The following C15orf40 variants were observed in gnomAD, a reference collection of about 807,000 sequenced individuals.
C15orf40 encodes UPF0235 protein C15orf40.
A neutral mutation model predicts 13.9 loss-of-function variants in C15orf40; 9 were observed. The observed-to-expected ratio is 0.65, with a 90% CI of 0.39 to 1.13. The LOEUF (loss-of-function observed/expected upper bound fraction) is 1.13, where lower values mean the gene tolerates loss of function less well. C15orf40 is among the 50% of genes most tolerant of loss of function. C15orf40 has a pLI of 0.01. For synonymous variants in C15orf40, 95 were observed against 69.2 expected, an observed-to-expected ratio of 1.37 and a Z score of -1.85; for missense variants, 225 against 188.5, an observed-to-expected ratio of 1.19 and a Z score of -1.13.
rs1404793417 is a variant in C15orf40, at chr15:83,004,949, A to C, written c.*648T>G. On this transcript the variant is annotated 3_prime_UTR_variant, in exon 4 of 4. Coordinates refer to ENST00000304177, the MANE Select transcript of C15orf40 (RefSeq NM_144597.3). ...TTCTAGTTGCCAGCTTGCATGGTAC[A>C]ATCTTGAGTAAGTCTCTCAACTTCT... 7 of 1,291,726 alleles carry C rather than the reference A, an allele frequency of 5.4e-6. No individual in the cohort carries two copies. The highest frequency in any genetic ancestry group is 7.2e-6 in the Non-Finnish European group (7 of 977,110). The allele number at this position is 1,291,726 out of a possible 1,614,324, so 80.0% of individuals were successfully genotyped here.
At position 83,005,589 on chromosome 15, in the gene C15orf40, T is replaced by C. The variant is rs2031635215; in HGVS notation, c.*8A>G. The C allele has an allele frequency of 1.2e-6, 2 of 1,605,274 alleles. No homozygotes were observed. The highest frequency in any genetic ancestry group is 3.4e-5 in the Admixed American group (2 of 59,480). On this transcript the variant is annotated 3_prime_UTR_variant, in exon 4 of 4. Transcript: ENST00000304177. ...ATGAGCCACTGCGCCCGGCCTCATT[T>C]CTTGCTTTTATGTTTTTTTGGCTTC...
In C15orf40 at chr15:82,997,680, C is replaced by T. The variant is rs2031166843; in HGVS notation, c.*7917G>A. ...CCCGCCTTTCTATTCCACAAAGCCG[C>T]CATTGTCATCCTGGCCCGTTCTCAA... On this transcript the variant is annotated 3_prime_UTR_variant, in exon 4 of 4. Coordinates refer to ENST00000304177, the MANE Select transcript of C15orf40 (RefSeq NM_144597.3). 4.6e-6 allele frequency: 1 copy of T among 218,252 alleles called. No homozygotes were observed. Among genetic ancestry groups the T allele is most frequent in the Non-Finnish European group, 9.0e-6 (1 of 110,592 alleles). 13.5% of individuals were successfully genotyped at this position (218,252 alleles called of 1,614,324 possible).
downstream of C15orf40, chr15:82,990,559 CA>C (rs2030811269): frequency 3.1e-6 from 2 of 651,662 alleles, no homozygotes; most frequent in Non-Finnish European, 2.2e-6. Flanking sequence ...TTTTTTTTTG[CA>C]TTTGTTAAGT....
In C15orf40 at chr15:83,011,493, T is replaced by C; in HGVS notation, c.111+4A>G. 1 of 1,602,078 alleles carries C rather than the reference T, an allele frequency of 6.2e-7. No individual in the cohort carries two copies. ...CCTCTGCCGCCACGGGACCTGCTAC[T>C]GGCCTTGGTCGTCGCACCAGCCTTC... is the stretch of plus-strand genomic sequence containing the variant. On this transcript the variant is annotated splice_donor_region_variant and intron_variant, in intron 1 of 3. Coordinates refer to ENST00000304177, the MANE Select transcript of C15orf40 (RefSeq NM_144597.3).
In C15orf40 at chr15:83,004,362, C is replaced by A. The variant is rs910338645; in HGVS notation, c.*1235G>T. The A allele has an allele frequency of 5.1e-6, 5 of 985,204 alleles. No homozygotes were observed. The highest frequency in any genetic ancestry group is 6.0e-6 in the Non-Finnish European group (5 of 829,862). 61.0% of individuals were successfully genotyped at this position (985,204 alleles called of 1,614,324 possible). ...TCAATACATCTTTCTCATGTACTTG[C>A]TGGACAAAGCGCACAACTGCAGATC... On this transcript the variant is annotated 3_prime_UTR_variant, in exon 4 of 4. Transcript: ENST00000304177.
chr15:82,990,048 C>T, downstream of C15orf40: 1 of 1,479,664 alleles, frequency 6.8e-7, no homozygotes, highest in Non-Finnish European at 9.2e-7. Flanking sequence ...AACCAGCGGC[C>T]TCCTTACGGT....
chr15:83,008,626 C>T lies in C15orf40; in HGVS notation c.288G>A (p.Glu96=), dbSNP rs750313793. 1.2e-6 allele frequency: 2 copies of T among 1,613,488 alleles called. No individual in the cohort carries two copies. The highest frequency in any genetic ancestry group is 2.2e-5 in the South Asian group (2 of 90,926). Reference sequence around the variant, plus strand: ...GACAGAGCTCAGCATTAGCCTCTCCCTCTGATGGAGGTGCTGCAATAGCTA... The same window carrying T: ...GACAGAGCTCAGCATTAGCCTCTCCTTCTGATGGAGGTGCTGCAATAGCTA... The part of the protein sequence containing the change: ...VNVAIAAPPS[E]GEANAELCRY... The change falls in exon 3 of 4, where the codon GAG becomes GAA. Residue 96 remains glutamate (E), a synonymous_variant. Coordinates refer to ENST00000304177, the MANE Select transcript of C15orf40 (RefSeq NM_144597.3).
chr15:83,007,119 C>T (rs1055621526), intron 3 of C15orf40, among the ~76,000 whole-genome samples: 24 of 152,210 alleles, frequency 1.6e-4, no homozygotes, highest in Non-Finnish European at 2.6e-4. Flanking sequence ...GAGTGATACC[C>T]AGGGATCTGT....
downstream of C15orf40, chr15:82,990,445 A>G: frequency 2.0e-6 from 1 of 511,074 alleles, no homozygotes; most frequent in South Asian, 2.8e-5. Flanking sequence ...GCTCGTTTCT[A>G]AAATTCTAGA....
downstream of C15orf40, among the ~76,000 whole-genome samples, chr15:82,992,915 A>T (rs1216012035): frequency 6.6e-6 from 1 of 152,254 alleles, no homozygotes; most frequent in Non-Finnish European, 1.5e-5. Context: ...GCTTAAAACC[A>T]GGAAGAAATA....
Position 83,001,250 on chromosome 15 carries a change from G to A in C15orf40, c.*4347C>T. 1.0e-6 allele frequency: 1 copy of A among 985,440 alleles called. No individual in the cohort carries two copies. Among genetic ancestry groups the A allele is most frequent in the Non-Finnish European group, 1.2e-6 (1 of 829,954 alleles). The allele number at this position is 985,440 out of a possible 1,614,324, so 61.0% of individuals were successfully genotyped here. A position where few individuals can be genotyped will look rare whatever the true frequency, so the allele number is the denominator to read the frequency against. ...CCTGCCTCCAGGGCATAATGAGCCA[G>A]GCTGTTCTTTCCCAGGATCTGTCGA... On this transcript the variant is annotated 3_prime_UTR_variant, in exon 4 of 4. Coordinates refer to ENST00000304177, the MANE Select transcript of C15orf40 (RefSeq NM_144597.3).
Position 83,004,893 on chromosome 15 carries a change from C to A in C15orf40, c.*704G>T, listed in dbSNP as rs2097399876. On this transcript the variant is annotated 3_prime_UTR_variant, in exon 4 of 4. Coordinates refer to ENST00000304177, the MANE Select transcript of C15orf40 (RefSeq NM_144597.3). ...ATTTTTAATTTACAATCTAGAAAAA[C>A]TGCATTCAACAAGTAGTCCAAGGAT... 2 of 1,304,290 alleles carry A rather than the reference C, an allele frequency of 1.5e-6. No homozygotes were observed. The highest frequency in any genetic ancestry group is 5.6e-5 in the East Asian group (1 of 18,010). The allele number at this position is 1,304,290 out of a possible 1,614,324, so 80.8% of individuals were successfully genotyped here.
downstream of C15orf40, chr15:82,990,719 G>T: frequency 7.5e-7 from 1 of 1,330,818 alleles, no homozygotes; most frequent in Non-Finnish European, 1.1e-6. Context: ...TGGGATAAGG[G>T]TACACATCAT....
rs1226585856 is a variant in C15orf40, at chr15:83,000,427, C to A, written c.*5170G>T. The A allele has an allele frequency of 6.6e-6, 1 of 152,270 alleles. No homozygotes were observed. The highest frequency in any genetic ancestry group is 6.5e-5 in the Admixed American group (1 of 15,280). 9.4% of individuals were successfully genotyped at this position (152,270 alleles called of 1,614,324 possible). ...CCCAGCTGGCCCCAAGTTAACAACA[C>A]TCCGACCTGAGCTAAATTTAAGATA... On this transcript the variant is annotated 3_prime_UTR_variant, in exon 4 of 4. Transcript: ENST00000304177.
Position 83,005,633 on chromosome 15 carries a change from G to A in C15orf40, c.426C>T (p.Ile142=). Residue 142 remains isoleucine (I), a synonymous_variant, in exon 4 of 4, where the codon ATC becomes ATT. Coordinates refer to ENST00000304177, the MANE Select transcript of C15orf40 (RefSeq NM_144597.3). ...KLLASTTPEE[I]LEKLKKEAKK... is the part of the protein sequence containing the mutation. ...TGGCTTCCTTTTTTAATTTCTCCAA[G>A]ATCTCTTCTGGAGTTGTAGAAGCCA... is the stretch of plus-strand genomic sequence containing the variant. 1.2e-6 allele frequency: 2 copies of A among 1,611,922 alleles called. No individual in the cohort carries two copies. The highest frequency in any genetic ancestry group is 1.7e-6 in the Non-Finnish European group (2 of 1,179,110).
At chr15:82,991,986 C>T (rs1019374430), downstream of C15orf40, 11 of 1,140,018 alleles carry the variant, frequency 9.6e-6, no homozygotes, top group African/African-American at 1.6e-5. Flanking sequence ...GAGGCCGAGG[C>T]GGGAAGATCA....
rs756353417 is a variant in C15orf40 at position 83,011,618 on chromosome 15, G to A, written c.-11C>T. ...GCGGAGCCGCAGCATCCCCGCCTGG[G>A]AAGGCGCCGGAAGAGCCCTCTGCGC... is the stretch of plus-strand genomic sequence containing the variant. On this transcript the variant is annotated 5_prime_UTR_variant, in exon 1 of 4. Transcript: ENST00000304177. The A allele has an allele frequency of 7.7e-6, 12 of 1,558,312 alleles. No individual in the cohort carries two copies. The African/African-American group carries it at 1.4e-4, about 18-fold the overall frequency.
At chr15:83,008,743 G>A in intron 2 of C15orf40, 68 bp from the exon 3 acceptor site, 1 of 1,496,388 alleles carries the variant, frequency 6.7e-7, no homozygotes, top group Non-Finnish European at 8.9e-7. Flanking sequence ...AGGACATTTT[G>A]TAAAAGAGTT....
chr15:82,995,371 T>G lies in C15orf40; in HGVS notation c.*10226A>C, dbSNP rs1166227718. ...AGAGAAACATCTTGCTTCTGAGGAA[T>G]TCAATTATCAGTGCTGTCAGATTAG... On this transcript the variant is annotated 3_prime_UTR_variant, in exon 4 of 4. Coordinates refer to ENST00000304177, the MANE Select transcript of C15orf40 (RefSeq NM_144597.3). 6.6e-6 allele frequency: 1 copy of G among 152,240 alleles called. No homozygotes were observed. Among genetic ancestry groups the G allele is most frequent in the East Asian group, 1.9e-4 (1 of 5,204 alleles). The allele number at this position is 152,240 out of a possible 1,614,324, so 9.4% of individuals were successfully genotyped here.
Sources: allele counts gnomAD v4.1 joint callset (sites outside exome capture counted in the v4.1 genomes callset), GRCh38; gene constraint gnomAD v4.1.1; transcripts MANE v1.5; gene names NCBI Gene and HGNC (gene_info 2026-07-23, HGNC 2026-07-21).